Variants in KCNT2 observed in about 807,000 individuals in gnomAD.
KCNT2 encodes potassium channel subfamily T member 2.
In KCNT2, 67 loss-of-function variants were observed where a neutral mutation model predicts 153.8. The ratio of observed to expected loss-of-function variants is 0.44; its 90% CI spans 0.36 to 0.53. The LOEUF (loss-of-function observed/expected upper bound fraction) is 0.53. Ranked by LOEUF, KCNT2 falls within the 20% of genes least tolerant of loss-of-function variation. The pLI, the probability that KCNT2 is intolerant of heterozygous loss-of-function variation, is 0.00. For synonymous variants in KCNT2, 500 were observed against 458.8 expected (o/e 1.09, Z -1.15); for missense variants, 975 against 1,354.8 (o/e 0.72, Z 4.40).
At chr1:196,559,263 C>A (rs556408343) in intron 1 of KCNT2, among the ~76,000 whole-genome samples, 190 of 151,642 alleles carry the variant, frequency 1.3e-3, no homozygotes, top group African/African-American at 4.4e-3. Flanking sequence ...TATGCATAAC[C>A]TGGCAGTAAT....
intron 22 of KCNT2, among the ~76,000 whole-genome samples, chr1:196,297,136 A>ATG (rs370733276): frequency 5.3e-4 from 80 of 149,906 alleles, no homozygotes; most frequent in African/African-American, 1.0e-3. Context: ...CTTTCTGTAG[A>ATG]TGTGTGTGTG....
chr1:196,571,059 C>A (rs546651816), intron 1 of KCNT2, among the ~76,000 whole-genome samples: 1 of 152,054 alleles, frequency 6.6e-6, no homozygotes, highest in African/African-American at 2.4e-5. Context: ...AAGTAAGCCC[C>A]ATAAAGGCAG....
intron 1 of KCNT2, among the ~76,000 whole-genome samples, chr1:196,602,988 T>G (rs989410856): frequency 1.3e-5 from 2 of 151,134 alleles, no homozygotes; most frequent in African/African-American, 2.4e-5. Flanking sequence ...GGGTTTCACC[T>G]TGTTAGCCAG....
At chr1:196,601,953 A>G (rs1664769035) in intron 1 of KCNT2, among the ~76,000 whole-genome samples, 1 of 152,148 alleles carries the variant, frequency 6.6e-6, no homozygotes, top group Admixed American at 6.6e-5. Context: ...CAATGTTTAG[A>G]TAGACGTCTG....
At chr1:196,388,368 A>T (rs552109999) in intron 13 of KCNT2, among the ~76,000 whole-genome samples, 2 of 151,830 alleles carry the variant, frequency 1.3e-5, no homozygotes, top group African/African-American at 4.8e-5. Flanking sequence ...CTTCTTTTTC[A>T]TAGTTGTTAT....
At chr1:196,344,275 C>T (rs536165627) in intron 14 of KCNT2, among the ~76,000 whole-genome samples, 2 of 152,222 alleles carry the variant, frequency 1.3e-5, no homozygotes, top group Admixed American at 1.3e-4. Flanking sequence ...TTCCTCATTG[C>T]TAAATTCCGG....
At chr1:196,385,821 TG>T (rs1420045408) in intron 13 of KCNT2, among the ~76,000 whole-genome samples, 6 of 151,456 alleles carry the variant, frequency 4.0e-5, no homozygotes, top group Non-Finnish European at 7.4e-5. Context: ...TCTGTAAAAT[TG>T]AAATGATAAT....
intron 20 of KCNT2, among the ~76,000 whole-genome samples, chr1:196,317,720 A>T (rs1452758014): frequency 2.6e-5 from 4 of 151,694 alleles, no homozygotes; most frequent in African/African-American, 9.7e-5. Context: ...TCAATCATTC[A>T]ATGACGTTGA....
chr1:196,568,915 G>C (rs371553699), intron 1 of KCNT2, among the ~76,000 whole-genome samples: 3 of 151,942 alleles, frequency 2.0e-5, no homozygotes, highest in Non-Finnish European at 4.4e-5. Context: ...AACTCTGTAC[G>C]GTAAAATCTA....
At chr1:196,517,438 A>G (rs1396582750) in intron 1 of KCNT2, among the ~76,000 whole-genome samples, 1 of 152,206 alleles carries the variant, frequency 6.6e-6, no homozygotes, top group Non-Finnish European at 1.5e-5. Flanking sequence ...TTGAAATGAC[A>G]GAAATAGAAT....
At position 196,515,792 on chromosome 1, in the gene KCNT2, C is replaced by T. The variant is rs1323393304; in HGVS notation, c.96-23451G>A. Among the ~76,000 whole-genome samples, 3 of 152,122 alleles carry T rather than the reference C, an allele frequency of 2.0e-5. No individual in the cohort carries two copies. In the East Asian group the frequency reaches 5.8e-4, roughly 29 times the overall value. On this transcript the variant is annotated intron_variant, in intron 1 of 27. Transcript: ENST00000294725. ...TCAACCCAAGGAGATTAGAGAAAAGCAAGACAGGATGACTGCCCACCCTGG... is the reference window on the plus strand; with the variant it reads ...TCAACCCAAGGAGATTAGAGAAAAGTAAGACAGGATGACTGCCCACCCTGG...
At chr1:196,387,090 T>C (rs187010227) in intron 13 of KCNT2, among the ~76,000 whole-genome samples, 1 of 152,144 alleles carries the variant, frequency 6.6e-6, no homozygotes, top group East Asian at 1.9e-4. Flanking sequence ...CTTGATTATT[T>C]GGATCTTGTT....
chr1:196,334,487 C>CTTTTTTTTCTTTTTTTTTTTT (rs1664803622), intron 16 of KCNT2, among the ~76,000 whole-genome samples: 1 of 87,264 alleles, frequency 1.1e-5, no homozygotes, highest in Non-Finnish European at 2.2e-5. Flanking sequence ...TTCTTTCTTT[C>CTTTTTTTTCTTTTTTTTTTTT]TTTTTTTTTT....
chr1:196,302,550 A>T (rs573808054), intron 22 of KCNT2, among the ~76,000 whole-genome samples: 2 of 152,248 alleles, frequency 1.3e-5, no homozygotes, highest in South Asian at 4.1e-4. Flanking sequence ...CTTATGGAAG[A>T]CTATCTTCTG....
At chr1:196,593,152 CT>C (rs1663591224) in intron 1 of KCNT2, among the ~76,000 whole-genome samples, 1 of 150,948 alleles carries the variant, frequency 6.6e-6, no homozygotes, top group Admixed American at 6.6e-5. Flanking sequence ...TTAGCTTCCA[CT>C]TATGAGTGAG....
chr1:196,370,909 C>A (rs966543507), intron 14 of KCNT2, among the ~76,000 whole-genome samples: 4 of 151,896 alleles, frequency 2.6e-5, no homozygotes, highest in Non-Finnish European at 4.4e-5. Flanking sequence ...TATGAATGAA[C>A]CTTGAAAAAC....
chr1:196,309,307 T>C (rs1661932521), intron 21 of KCNT2, among the ~76,000 whole-genome samples: 1 of 152,014 alleles, frequency 6.6e-6, no homozygotes, highest in African/African-American at 2.4e-5. Flanking sequence ...TTGAATCAAG[T>C]TGTGGTTACC....
chr1:196,539,804 A>G (rs1656096377), intron 1 of KCNT2, among the ~76,000 whole-genome samples: 1 of 151,760 alleles, frequency 6.6e-6, no homozygotes, highest in Non-Finnish European at 1.5e-5. Context: ...GCCACTAAAC[A>G]ATAATTAAAT....
chr1:196,365,943 T>A (rs183459927), intron 14 of KCNT2, among the ~76,000 whole-genome samples: 35 of 152,280 alleles, frequency 2.3e-4, no homozygotes, highest in Admixed American at 1.0e-3. Context: ...TTCAAAGTAA[T>A]CCTGTGAGTT....
Sources: gnomAD v4.1 joint callset for allele counts (sites outside exome capture counted in the v4.1 genomes callset) on GRCh38, gnomAD v4.1.1 for gene constraint, MANE v1.5 for transcripts, NCBI Gene and HGNC (gene_info 2026-07-23, HGNC 2026-07-21) for gene names.